The following GRHL2 variants were observed in gnomAD, a reference collection of about 807,000 sequenced individuals.
GRHL2 encodes the protein grainyhead like transcription factor 2.
A neutral mutation model predicts 83.8 loss-of-function variants in GRHL2; 21 were observed. The observed-to-expected ratio is 0.25, with a 90% CI of 0.18 to 0.36. The LOEUF (loss-of-function observed/expected upper bound fraction) is 0.36. Ranked by LOEUF, GRHL2 falls within the 10% of genes least tolerant of loss-of-function variation. The probability of loss-of-function intolerance (pLI) is 1.00; values close to 1 mark genes in which losing one functional copy is unlikely to be tolerated. For missense variants in GRHL2, 623 were observed against 781.8 expected, an observed-to-expected ratio of 0.80 and a Z score of 2.42; for synonymous variants, 280 against 278.9, an observed-to-expected ratio of 1.00 and a Z score of -0.04.
chr8:101,541,858 G>C (rs910726877), intron 1 of GRHL2, among the ~76,000 whole-genome samples: 8 of 152,128 alleles, frequency 5.3e-5, no homozygotes, highest in African/African-American at 1.9e-4. Flanking sequence ...AGGCTGGCTT[G>C]GTTAGGATTG....
chr8:101,613,205 T>C (rs1757757422), intron 8 of GRHL2, among the ~76,000 whole-genome samples: 1 of 150,964 alleles, frequency 6.6e-6, no homozygotes, highest in East Asian at 1.9e-4. Context: ...TGGAAGAATA[T>C]GGGGAACTAC....
chr8:101,680,411 C>T, the GRHL2 span, among the ~76,000 whole-genome samples: 1 of 148,940 alleles, frequency 6.7e-6, no homozygotes, highest in Admixed American at 6.7e-5. Context: ...TACAGGAGCA[C>T]CCAGATTCAT....
intron 14 of GRHL2, among the ~76,000 whole-genome samples, chr8:101,658,254 G>T (rs1444219054): frequency 6.6e-6 from 1 of 152,168 alleles, no homozygotes; most frequent in East Asian, 1.9e-4. Flanking sequence ...ACTGGATGGG[G>T]TCTGTGAGTC....
At chr8:101,532,050 C>T (rs1008645088) in intron 1 of GRHL2, among the ~76,000 whole-genome samples, 3 of 152,178 alleles carry the variant, frequency 2.0e-5, no homozygotes, top group Non-Finnish European at 4.4e-5. Context: ...CTATCAATAT[C>T]GTCCTGGGCT....
At chr8:101,598,361 A>G (rs1812439293) in intron 7 of GRHL2, among the ~76,000 whole-genome samples, 1 of 149,972 alleles carries the variant, frequency 6.7e-6, no homozygotes, top group Admixed American at 6.7e-5. Context: ...TGCCTCAGCC[A>G]CCTAAGTAGC....
At chr8:101,644,310 C>CCCCATGGCTCTGTGCCAGCCT (rs1813465642) in intron 13 of GRHL2, 85 bp downstream of exon 13, 2 of 1,046,102 alleles carry the variant, frequency 1.9e-6, no homozygotes, top group African/African-American at 3.2e-5. Context: ...TTGCCCAGGC[C>CCCCATGGCTCTGTGCCAGCCT]CCCATGGCTC....
chr8:101,672,197 G>A (rs1462981004), downstream of GRHL2, among the ~76,000 whole-genome samples: 1 of 151,732 alleles, frequency 6.6e-6, no homozygotes, highest in African/African-American at 2.4e-5. Context: ...GAACAAAGCT[G>A]GATGGGGAAT....
At chr8:101,493,150 T>C (rs1217019812) in intron 1 of GRHL2, among the ~76,000 whole-genome samples, 1 of 152,098 alleles carries the variant, frequency 6.6e-6, no homozygotes, top group East Asian at 1.9e-4. Context: ...TTTTAGCTGC[T>C]CCCACCGATC....
chr8:101,571,618 C>T (rs1047832858), intron 5 of GRHL2, among the ~76,000 whole-genome samples: 1 of 151,904 alleles, frequency 6.6e-6, no homozygotes, highest in African/African-American at 2.4e-5. Context: ...GTCATCAGGG[C>T]CCTCTATGTT....
intron 7 of GRHL2, among the ~76,000 whole-genome samples, chr8:101,589,269 T>G (rs181777948): frequency 2.0e-5 from 3 of 152,334 alleles, no homozygotes; most frequent in Admixed American, 2.0e-4. Flanking sequence ...ATTAAATTTG[T>G]GGACAGAGAC....
At chr8:101,521,798 G>A (rs1406518461) in intron 1 of GRHL2, among the ~76,000 whole-genome samples, 2 of 152,140 alleles carry the variant, frequency 1.3e-5, no homozygotes, top group Non-Finnish European at 2.9e-5. Flanking sequence ...TTTTAAAAAT[G>A]TAATTTTTTG....
chr8:101,599,227 T>C (rs1812461094), intron 8 of GRHL2, 76 bp downstream of exon 8: 2 of 953,542 alleles, frequency 2.1e-6, no homozygotes, highest in African/African-American at 1.6e-5. Flanking sequence ...TTTAAAAGCC[T>C]GTATCAGTAG....
At chr8:101,547,975 T>C (rs1811299501) in intron 2 of GRHL2, among the ~76,000 whole-genome samples, 1 of 152,272 alleles carries the variant, frequency 6.6e-6, no homozygotes, top group African/African-American at 2.4e-5. Flanking sequence ...AAAAATGTTT[T>C]GACTTACTTT....
At chr8:101,679,594 G>A in the GRHL2 span, among the ~76,000 whole-genome samples, 13 of 150,774 alleles carry the variant, frequency 8.6e-5, no homozygotes, top group East Asian at 1.2e-3. Context: ...GATACTCCTC[G>A]AGAAGAGCAA....
At chr8:101,509,735 C>T (rs1810425914) in intron 1 of GRHL2, among the ~76,000 whole-genome samples, 1 of 152,130 alleles carries the variant, frequency 6.6e-6, no homozygotes, top group African/African-American at 2.4e-5. Context: ...GGAAAACATA[C>T]TTAATTCTAG....
At chr8:101,635,579 G>A (rs899895082) in intron 11 of GRHL2, among the ~76,000 whole-genome samples, 1 of 152,162 alleles carries the variant, frequency 6.6e-6, no homozygotes, top group Non-Finnish European at 1.5e-5. Flanking sequence ...CCAGTTGCAT[G>A]GCCAGTGGAA....
chr8:101,528,507 A>T (rs188588207), intron 1 of GRHL2, among the ~76,000 whole-genome samples: 227 of 152,160 alleles, frequency 1.5e-3, no homozygotes, highest in Admixed American at 2.6e-3. Flanking sequence ...CAATAAGTCA[A>T]ATTGCTGCTG....
downstream of GRHL2, among the ~76,000 whole-genome samples, chr8:101,674,651 T>C (rs62517416): frequency 1.2e-4 from 19 of 152,106 alleles, no homozygotes; most frequent in Non-Finnish European, 1.6e-4. Flanking sequence ...TGGTACCATT[T>C]CTTCTGAAAC....
chr8:101,662,618 C>T (rs1025805572), intron 14 of GRHL2, among the ~76,000 whole-genome samples: 5 of 152,176 alleles, frequency 3.3e-5, no homozygotes, highest in African/African-American at 1.2e-4. Flanking sequence ...TCAGAAGGGG[C>T]AGACAGAGTT....
Sources: gnomAD v4.1 joint callset for allele counts (sites outside exome capture counted in the v4.1 genomes callset) on GRCh38, gnomAD v4.1.1 for gene constraint, MANE v1.5 for transcripts, NCBI Gene and HGNC (gene_info 2026-07-23, HGNC 2026-07-21) for gene names.